The following YLPM1 variants were observed in gnomAD, a reference collection of about 807,000 sequenced individuals.
The protein encoded by YLPM1 is YLP motif-containing protein 1.
Under a neutral mutation model 230.0 loss-of-function variants are expected in YLPM1, and 99 were observed. The observed-to-expected ratio is 0.43, with a 90% CI of 0.37 to 0.51. YLPM1 has a LOEUF of 0.51. YLPM1 is among the 20% of genes least tolerant of loss of function. YLPM1 has a pLI of 0.00. For synonymous variants in YLPM1, 984 were observed against 942.5 expected (o/e 1.04, Z -0.81); for missense variants, 2,592 against 2,707.7 (o/e 0.96, Z 0.95).
intron 18 of YLPM1, among the ~76,000 whole-genome samples, chr14:74,824,663 TG>T (rs199699788): frequency 6.6e-6 from 1 of 152,136 alleles, no homozygotes; most frequent in East Asian, 1.9e-4. Context: ...AAGTTAAACC[TG>T]ATTATGAATA....
chr14:74,818,049 C>T (rs1269555141), intron 15 of YLPM1, among the ~76,000 whole-genome samples, 182 bp from the exon 16 acceptor site: 2 of 146,404 alleles, frequency 1.4e-5, no homozygotes, highest in African/African-American at 5.0e-5. Context: ...GACCGAGATT[C>T]TGTCTCAAAA....
At chr14:74,829,459 G>A (rs1005079839) in intron 19 of YLPM1, 116 bp downstream of exon 19, 26 of 1,383,042 alleles carry the variant, frequency 1.9e-5, no homozygotes, top group Middle Eastern at 1.9e-4. Context: ...TTTAGTTTAC[G>A]CTATGTCATG....
At chr14:74,829,000 A>G (rs1337710379) in intron 18 of YLPM1, among the ~76,000 whole-genome samples, 1 of 152,216 alleles carries the variant, frequency 6.6e-6, no homozygotes, top group Admixed American at 6.5e-5. Context: ...CATCGTAAAC[A>G]TAATGGCTAC....
rs2140151159 is a variant in YLPM1 at position 74,836,402 on chromosome 14, G to A, written c.*664G>A. Reference sequence around the variant, plus strand: ...TTATAGCTGATTTCTCTATCTTTGTGTCTTGAAGACTGACCAAGTTCAAAT... The same window carrying A: ...TTATAGCTGATTTCTCTATCTTTGTATCTTGAAGACTGACCAAGTTCAAAT... On this transcript the variant is annotated 3_prime_UTR_variant, in exon 21 of 21. Transcript: ENST00000325680. 6.6e-6 allele frequency: 1 copy of A among 152,280 alleles called. No individual in the cohort carries two copies. Among genetic ancestry groups the A allele is most frequent in the African/African-American group, 2.4e-5 (1 of 41,554 alleles). 9.4% of individuals were successfully genotyped at this position (152,280 alleles called of 1,614,324 possible).
chr14:74,781,659 C>T lies in YLPM1; in HGVS notation c.1616C>T (p.Pro539Leu). 1.2e-6 allele frequency: 2 copies of T among 1,613,090 alleles called. No homozygotes were observed. The highest frequency in any genetic ancestry group is 1.7e-6 in the Non-Finnish European group (2 of 1,179,706). The change falls in exon 4 of 21, where the codon CCT (proline) becomes CTT (leucine). Residue 539 changes from proline to leucine, a missense_variant. Around this residue, in one of 4 missense-constraint regions of YLPM1, gnomAD observed 1,862 missense variants for 1,819.8 expected, o/e 1.02. Coordinates refer to ENST00000325680, the MANE Select transcript of YLPM1 (RefSeq NM_019589.3). ...PLPTMPPPVL[P>L]PSLPPPVMPP... is the part of the protein sequence containing the mutation. ...CCTACAATGCCCCCTCCAGTGTTGC[C>T]TCCTTCATTGCCACCACCAGTGATG...
chr14:74,827,939 G>T (rs1345696443), intron 18 of YLPM1: 7 of 985,122 alleles, frequency 7.1e-6, no homozygotes, highest in Non-Finnish European at 8.4e-6. Context: ...TTAAAATTTT[G>T]CCAAAATGAG....
chr14:74,832,058 A>G (rs531687377), intron 19 of YLPM1, among the ~76,000 whole-genome samples: 3 of 152,312 alleles, frequency 2.0e-5, no homozygotes, highest in Non-Finnish European at 4.4e-5. Flanking sequence ...AGAAATACTT[A>G]TAGTTACAGT....
At chr14:74,825,169 C>T (rs1340443169) in intron 18 of YLPM1, among the ~76,000 whole-genome samples, 1 of 152,050 alleles carries the variant, frequency 6.6e-6, no homozygotes, top group African/African-American at 2.4e-5. Flanking sequence ...ATCTAAGTAT[C>T]TTAAATTGAT....
intron 15 of YLPM1, 121 bp from the exon 16 acceptor site, chr14:74,818,110 C>A: frequency 2.5e-6 from 1 of 400,772 alleles, no homozygotes; most frequent in South Asian, 8.4e-5. Context: ...TAATATTTAA[C>A]AAATATTTAA....
At position 74,764,359 on chromosome 14, in the gene YLPM1, A is replaced by T; in HGVS notation, c.870A>T (p.Pro290=). The change falls in exon 1 of 21, where the codon CCA becomes CCT. Residue 290 remains proline (P), a synonymous_variant. Coordinates refer to ENST00000325680, the MANE Select transcript of YLPM1 (RefSeq NM_019589.3). The part of the protein sequence containing the change: ...APEPDPSTMT[P]QEQQQYWYRQ... ...AGCCAGATCCCTCTACGATGACTCC[A>T]CAGGTAAGAAAGCATCTGCCTGAAC... 1 of 1,604,484 alleles carries T rather than the reference A, an allele frequency of 6.2e-7. No homozygotes were observed. The highest frequency in any genetic ancestry group is 8.5e-7 in the Non-Finnish European group (1 of 1,174,430).
At position 74,812,789 on chromosome 14, in the gene YLPM1, C is replaced by T. The variant is rs1352104408; in HGVS notation, c.5502+7C>T. The T allele has an allele frequency of 6.2e-7, 1 of 1,609,790 alleles. No homozygotes were observed. The highest frequency in any genetic ancestry group is 1.1e-5 in the South Asian group (1 of 90,458). On this transcript the variant is annotated splice_region_variant and intron_variant, in intron 11 of 20. Coordinates refer to ENST00000325680, the MANE Select transcript of YLPM1 (RefSeq NM_019589.3). ...GGAGAGCAGACCTGAGAGAGTGAGT[C>T]CTATGAAGTTGATTCGTCTTCGTGC...
chr14:74,770,756 C>G (rs931489951), intron 1 of YLPM1, among the ~76,000 whole-genome samples: 1 of 152,166 alleles, frequency 6.6e-6, no homozygotes, highest in African/African-American at 2.4e-5. Flanking sequence ...CCTGTAAGGA[C>G]TTCATTCTAA....
At chr14:74,820,290 C>T (rs2091510668) in intron 16 of YLPM1, among the ~76,000 whole-genome samples, 1 of 152,212 alleles carries the variant, frequency 6.6e-6, no homozygotes, top group Admixed American at 6.5e-5. Context: ...GACTCTATTG[C>T]CCTGGCTGGA....
At chr14:74,806,441 C>G (rs1212109488) in intron 6 of YLPM1, among the ~76,000 whole-genome samples, 1 of 151,938 alleles carries the variant, frequency 6.6e-6, no homozygotes, top group Non-Finnish European at 1.5e-5. Flanking sequence ...CAAAAATTAG[C>G]CAGGCACGCG....
intron 4 of YLPM1, among the ~76,000 whole-genome samples, chr14:74,785,495 C>G (rs893540711): frequency 1.1e-4 from 17 of 152,152 alleles, no homozygotes; most frequent in African/African-American, 3.9e-4. Context: ...AGGCATAGTT[C>G]TTTTTCTCCA....
At chr14:74,807,321 A>G (rs1047671161) in intron 6 of YLPM1, among the ~76,000 whole-genome samples, 1 of 152,204 alleles carries the variant, frequency 6.6e-6, no homozygotes, top group African/African-American at 2.4e-5. Context: ...ACAAAAAAAT[A>G]AAACCAAACC....
intron 1 of YLPM1, among the ~76,000 whole-genome samples, chr14:74,769,688 G>T (rs1275979135): frequency 6.6e-6 from 1 of 151,496 alleles, no homozygotes; most frequent in Non-Finnish European, 1.5e-5. Flanking sequence ...CTCCCAAAGT[G>T]CTGGGATTAC....
intron 17 of YLPM1, among the ~76,000 whole-genome samples, chr14:74,823,742 G>A (rs769519766): frequency 1.3e-5 from 2 of 151,954 alleles, no homozygotes; most frequent in East Asian, 3.8e-4. Flanking sequence ...CGGGTAATTG[G>A]GTTAAGTGCC....
At chr14:74,782,733 T>C (rs1008892804) in intron 4 of YLPM1, among the ~76,000 whole-genome samples, 1 of 152,250 alleles carries the variant, frequency 6.6e-6, no homozygotes, top group African/African-American at 2.4e-5. Context: ...GCCAATATTC[T>C]ACTGGCTTGA....
Sources: gnomAD v4.1 joint callset for allele counts (sites outside exome capture counted in the v4.1 genomes callset) on GRCh38, gnomAD v4.1.1 for gene constraint, gnomAD v4.1.1 regional missense constraint, MANE v1.5 for transcripts, NCBI Gene and HGNC (gene_info 2026-07-23, HGNC 2026-07-21) for gene names.